Variants in PRKCQ observed in about 807,000 individuals in gnomAD.
The protein encoded by PRKCQ is protein kinase C theta.
Under a neutral mutation model 91.2 loss-of-function variants are expected in PRKCQ, and 41 were observed. The observed-to-expected ratio is 0.45, with a 90% CI of 0.35 to 0.58. The LOEUF is 0.58. PRKCQ is among the 20% of genes least tolerant of loss of function. The pLI is 0.00. For synonymous variants in PRKCQ, 307 were observed against 316.9 expected, an observed-to-expected ratio of 0.97 and a Z score of 0.33; for missense variants, 673 against 896.5, an observed-to-expected ratio of 0.75 and a Z score of 3.18.
chr10:6,531,373 C>T (rs1839389690), intron 1 of PRKCQ, among the ~76,000 whole-genome samples: 1 of 151,088 alleles, frequency 6.6e-6, no homozygotes, highest in Non-Finnish European at 1.5e-5. Flanking sequence ...TGTCTGGAGA[C>T]AGATATTTTT....
chr10:6,505,248 C>A (rs1438836398), intron 4 of PRKCQ, among the ~76,000 whole-genome samples: 1 of 152,166 alleles, frequency 6.6e-6, no homozygotes, highest in Non-Finnish European at 1.5e-5. Context: ...TACGGAATAT[C>A]ATTGTTTTTG....
intron 15 of PRKCQ, among the ~76,000 whole-genome samples, chr10:6,445,130 A>ATC (rs1320223976): frequency 0.026 from 2,073 of 81,058 alleles, 43 homozygotes; most frequent in African/African-American, 0.037. Context: ...TCAAAAAAAA[A>ATC]AAAAAAAAAA....
chr10:6,579,358 C>T (rs748525615), intron 1 of PRKCQ, among the ~76,000 whole-genome samples: 3 of 152,160 alleles, frequency 2.0e-5, no homozygotes, highest in Non-Finnish European at 2.9e-5. Flanking sequence ...GCACCACGTC[C>T]AGCCCGCACA....
At chr10:6,418,993 A>G in the PRKCQ span, among the ~76,000 whole-genome samples, 4 of 143,916 alleles carry the variant, frequency 2.8e-5, no homozygotes, top group African/African-American at 1.0e-4. Flanking sequence ...CTATCTATCT[A>G]TCTATCTATC....
intron 1 of PRKCQ, among the ~76,000 whole-genome samples, chr10:6,534,478 G>A (rs1318622705): frequency 3.3e-5 from 5 of 151,986 alleles, no homozygotes; most frequent in African/African-American, 1.2e-4. Flanking sequence ...TTATGAAGCA[G>A]ATCTCGCCAT....
At chr10:6,494,707 A>G (rs764819391) in intron 7 of PRKCQ, among the ~76,000 whole-genome samples, 1 of 152,060 alleles carries the variant, frequency 6.6e-6, no homozygotes, top group Non-Finnish European at 1.5e-5. Flanking sequence ...CTAACATCTC[A>G]TTTTAGATTC....
At chr10:6,419,362 A>T in the PRKCQ span, among the ~76,000 whole-genome samples, 1 of 152,080 alleles carries the variant, frequency 6.6e-6, no homozygotes, top group Non-Finnish European at 1.5e-5. Flanking sequence ...TCTTAAGTAG[A>T]TTTGTGTTTT....
At chr10:6,437,837 T>G (rs1056696360) in intron 16 of PRKCQ, among the ~76,000 whole-genome samples, 1 of 152,034 alleles carries the variant, frequency 6.6e-6, no homozygotes, top group Non-Finnish European at 1.5e-5. Context: ...GTATTTTTAG[T>G]AGAGATGGGG....
At chr10:6,531,999 G>A (rs1018323112) in intron 1 of PRKCQ, among the ~76,000 whole-genome samples, 3 of 152,098 alleles carry the variant, frequency 2.0e-5, no homozygotes, top group Non-Finnish European at 4.4e-5. Flanking sequence ...TCTTTTGGCC[G>A]GGCCAGTGTT....
intron 14 of PRKCQ, 74 bp downstream of exon 14, chr10:6,462,229 T>A (rs1246860299): frequency 7.3e-7 from 1 of 1,362,726 alleles, no homozygotes; most frequent in African/African-American, 1.4e-5. Context: ...CTCACAGCAC[T>A]CGGTGCAATG....
At chr10:6,561,885 G>A (rs1840647551) in intron 1 of PRKCQ, among the ~76,000 whole-genome samples, 1 of 152,200 alleles carries the variant, frequency 6.6e-6, no homozygotes, top group Admixed American at 6.5e-5. Flanking sequence ...GCATGAAAGA[G>A]TTGAGGAAAG....
chr10:6,464,180 C>G, intron 13 of PRKCQ, 133 bp downstream of exon 13: 1 of 778,258 alleles, frequency 1.3e-6, no homozygotes, highest in Non-Finnish European at 2.2e-6. Flanking sequence ...AAAACTGTCG[C>G]CTTGCTCGAT....
At chr10:6,406,367 C>T in the PRKCQ span, among the ~76,000 whole-genome samples, 94 of 151,082 alleles carry the variant, frequency 6.2e-4, no homozygotes, top group African/African-American at 2.3e-3. Context: ...CAATGGGGCC[C>T]GTGTTCTTTT....
At chr10:6,492,671 T>A (rs112056927) in intron 7 of PRKCQ, among the ~76,000 whole-genome samples, 1 of 152,186 alleles carries the variant, frequency 6.6e-6, no homozygotes, top group Non-Finnish European at 1.5e-5. Context: ...GTGATCGACA[T>A]GGAATTTTTT....
At chr10:6,545,587 G>A (rs550533871) in intron 1 of PRKCQ, among the ~76,000 whole-genome samples, 6 of 152,180 alleles carry the variant, frequency 3.9e-5, no homozygotes, top group Non-Finnish European at 8.8e-5. Flanking sequence ...GAACTTGGAA[G>A]GGGGGAAATG....
intron 15 of PRKCQ, among the ~76,000 whole-genome samples, chr10:6,443,697 C>A (rs629244): frequency 0.041 from 6,291 of 152,214 alleles, 280 homozygotes; most frequent in African/African-American, 0.11. Context: ...AATGTGGTAC[C>A]TCCACACAGA....
intron 12 of PRKCQ, among the ~76,000 whole-genome samples, chr10:6,468,355 G>C (rs576850464): frequency 1.3e-5 from 2 of 152,324 alleles, no homozygotes; most frequent in African/African-American, 4.8e-5. Context: ...TGAGAATAAA[G>C]AGAATGGAAA....
At chr10:6,510,076 C>A (rs980202491) in intron 3 of PRKCQ, among the ~76,000 whole-genome samples, 2 of 152,102 alleles carry the variant, frequency 1.3e-5, no homozygotes, top group Admixed American at 1.3e-4. Flanking sequence ...GTTTAAAAAT[C>A]TGAGTTATAG....
the PRKCQ span, among the ~76,000 whole-genome samples, chr10:6,396,931 T>C: frequency 5.9e-5 from 9 of 152,228 alleles, no homozygotes; most frequent in African/African-American, 1.2e-4. Context: ...CCCCACATCC[T>C]TGTCAACACA....
Sources: allele counts gnomAD v4.1 joint callset (sites outside exome capture counted in the v4.1 genomes callset), GRCh38; gene constraint gnomAD v4.1.1; transcripts MANE v1.5; gene names NCBI Gene and HGNC (gene_info 2026-07-23, HGNC 2026-07-21).